Variants in MYOZ2 observed in about 807,000 individuals in gnomAD.
MYOZ2 encodes the protein myozenin-2.
Under a neutral mutation model 25.4 loss-of-function variants are expected in MYOZ2, and 19 were observed. The observed-to-expected ratio is 0.75, with a 90% CI of 0.52 to 1.10. The LOEUF (loss-of-function observed/expected upper bound fraction) is 1.10. MYOZ2 is among the 50% of genes least tolerant of loss of function. The pLI is 0.00. For missense variants in MYOZ2, 270 were observed against 317.9 expected (o/e 0.85, Z 1.15); for synonymous variants, 92 against 106.9 (o/e 0.86, Z 0.86).
chr4:119,150,331 C>T (rs549194927), intron 2 of MYOZ2, among the ~76,000 whole-genome samples: 14 of 151,942 alleles, frequency 9.2e-5, no homozygotes, highest in African/African-American at 3.1e-4. Context: ...GGCATTTGAG[C>T]TGGATTGGGG....
At chr4:119,152,792 A>G (rs1188917047) in intron 3 of MYOZ2, among the ~76,000 whole-genome samples, 5 of 152,198 alleles carry the variant, frequency 3.3e-5, no homozygotes, top group East Asian at 1.9e-4. Flanking sequence ...GTCATATTTT[A>G]TTGAGTTACA....
intron 5 of MYOZ2, among the ~76,000 whole-genome samples, chr4:119,167,727 C>T (rs759429777): frequency 2.0e-5 from 3 of 152,208 alleles, no homozygotes; most frequent in Non-Finnish European, 4.4e-5. Flanking sequence ...AGCCAATGCT[C>T]ATTTACCATT....
intron 3 of MYOZ2, among the ~76,000 whole-genome samples, chr4:119,152,590 T>A (rs1267064949): frequency 6.6e-6 from 1 of 152,136 alleles, no homozygotes; most frequent in African/African-American, 2.4e-5. Context: ...TGATTATAAT[T>A]TTATACACCT....
intron 2 of MYOZ2, among the ~76,000 whole-genome samples, chr4:119,148,563 G>T (rs6857944): frequency 2.6e-4 from 39 of 151,732 alleles, no homozygotes; most frequent in African/African-American, 9.2e-4. Context: ...TCTCTGTGTT[G>T]GTCTTATTGG....
rs549705633 is a variant in MYOZ2 at position 119,152,305 on chromosome 4, C to G, written c.246+1264C>G. The stretch of plus-strand genomic sequence containing the variant: ...AGTATGAGTCAAAAATAATCCCTAC[C>G]CCATCTGCTGGAGTCTATGTAATCA... On this transcript the variant is annotated intron_variant, in intron 3 of 5. Transcript: ENST00000307128. Among the ~76,000 whole-genome samples the G allele has an allele frequency of 2.6e-4, 39 of 152,056 alleles. 1 individual carries two copies. Among genetic ancestry groups the G allele is most frequent in the Middle Eastern group, 3.4e-3 (1 of 294 alleles).
At chr4:119,176,139 G>A (rs1742067771) in intron 5 of MYOZ2, among the ~76,000 whole-genome samples, 1 of 152,096 alleles carries the variant, frequency 6.6e-6, no homozygotes, top group African/African-American at 2.4e-5. Flanking sequence ...TTTCGTGTTT[G>A]ATTCCCTAGC....
At chr4:119,167,787 T>C (rs552815704) in intron 5 of MYOZ2, among the ~76,000 whole-genome samples, 2 of 152,316 alleles carry the variant, frequency 1.3e-5, no homozygotes, top group South Asian at 4.1e-4. Flanking sequence ...TGTCTGTGCT[T>C]TATAAATGGA....
intron 5 of MYOZ2, among the ~76,000 whole-genome samples, chr4:119,179,416 T>A (rs1418398044): frequency 6.6e-6 from 1 of 152,224 alleles, no homozygotes; most frequent in African/African-American, 2.4e-5. Context: ...GTACTCTTTC[T>A]CCTGGACTAA....
chr4:119,163,706 A>C (rs1741756762), intron 4 of MYOZ2, among the ~76,000 whole-genome samples: 1 of 152,206 alleles, frequency 6.6e-6, no homozygotes, highest in African/African-American at 2.4e-5. Flanking sequence ...TTGAAGCTCA[A>C]ACATTTTACA....
At chr4:119,156,134 CA>C (rs1348710639) in intron 3 of MYOZ2, among the ~76,000 whole-genome samples, 1 of 151,598 alleles carries the variant, frequency 6.6e-6, no homozygotes, top group Admixed American at 6.6e-5. Context: ...AGAAGAAAGA[CA>C]AAAAACTTTT....
At chr4:119,154,820 G>C (rs533438874) in intron 3 of MYOZ2, among the ~76,000 whole-genome samples, 9 of 150,986 alleles carry the variant, frequency 6.0e-5, no homozygotes, top group African/African-American at 1.7e-4. Context: ...CAACACTCAA[G>C]ATAGGAGCTG....
rs536681668 is a variant in MYOZ2, at chr4:119,160,962, C to A, written c.376+2811C>A. ...AAATAACTGTATTATTCTTATAACA[C>A]CCTACAGTGTTATAGAAGACTATAA... On this transcript the variant is annotated intron_variant, in intron 4 of 5. Transcript: ENST00000307128. Among the ~76,000 whole-genome samples the A allele has an allele frequency of 1.8e-4, 27 of 151,736 alleles. 1 individual carries two copies. The Middle Eastern group carries it at 0.017, about 96-fold the overall frequency.
chr4:119,141,409 G>A (rs182197322), intron 2 of MYOZ2, among the ~76,000 whole-genome samples: 5 of 152,112 alleles, frequency 3.3e-5, no homozygotes, highest in Non-Finnish European at 7.4e-5. Flanking sequence ...TTGAGATGGA[G>A]TCTTGCTCTG....
intron 2 of MYOZ2, among the ~76,000 whole-genome samples, chr4:119,144,835 A>C (rs1341788791): frequency 6.6e-6 from 1 of 152,198 alleles, no homozygotes; most frequent in Non-Finnish European, 1.5e-5. Context: ...TTCTGTATTT[A>C]TGCTAGACTG....
In MYOZ2 at chr4:119,186,191, A is replaced by C. The variant is rs863223714; in HGVS notation, c.786A>C (p.Glu262Asp). 7.4e-6 allele frequency: 12 copies of C among 1,611,114 alleles called. No homozygotes were observed. The highest frequency in any genetic ancestry group is 1.0e-5 in the Non-Finnish European group (12 of 1,177,456). Residue 262 changes from glutamate (E) to aspartate (D), a missense_variant, in exon 6 of 6, where the codon GAA becomes GAC. Transcript: ENST00000307128. ...PTDDTTVPESEDL is the reference protein window; with the variant it reads ...PTDDTTVPESDDL ...ATGATACCACTGTACCAGAATCAGAAGACCTATGAAAAGAAAGTTGTATGT... is the reference window on the plus strand; with the variant it reads ...ATGATACCACTGTACCAGAATCAGACGACCTATGAAAAGAAAGTTGTATGT...
Position 119,158,168 on chromosome 4 carries a change from C to T in MYOZ2, c.376+17C>T, listed in dbSNP as rs1403148110. 1 of 1,613,600 alleles carries T rather than the reference C, an allele frequency of 6.2e-7. No homozygotes were observed. Among genetic ancestry groups the T allele is most frequent in the Non-Finnish European group, 8.5e-7 (1 of 1,179,692 alleles). On this transcript the variant is annotated intron_variant, in intron 4 of 5. Coordinates refer to ENST00000307128, the MANE Select transcript of MYOZ2 (RefSeq NM_016599.5). ...TTGCTCCAGGTAACCAATCCCCTTACCAACAGAGCAATAAAATTTCTGTGT... is the reference window on the plus strand; with the variant it reads ...TTGCTCCAGGTAACCAATCCCCTTATCAACAGAGCAATAAAATTTCTGTGT...
intron 4 of MYOZ2, among the ~76,000 whole-genome samples, chr4:119,161,864 A>G (rs1741717191): frequency 6.6e-6 from 1 of 152,198 alleles, no homozygotes; most frequent in African/African-American, 2.4e-5. Flanking sequence ...TTATGGGTGA[A>G]GAAAAACTGG....
At chr4:119,164,606 G>C (rs1456440028) in intron 5 of MYOZ2, among the ~76,000 whole-genome samples, 1 of 152,126 alleles carries the variant, frequency 6.6e-6, no homozygotes. Context: ...GTATAAAAAT[G>C]AAGGAAATGA....
chr4:119,137,878 T>C (rs999237799), intron 2 of MYOZ2, among the ~76,000 whole-genome samples: 1 of 152,178 alleles, frequency 6.6e-6, no homozygotes, highest in African/African-American at 2.4e-5. Context: ...TTCTGATCAA[T>C]GTGGCAAAAA....
Sources: allele counts gnomAD v4.1 joint callset (sites outside exome capture counted in the v4.1 genomes callset), GRCh38; gene constraint gnomAD v4.1.1; transcripts MANE v1.5; gene names NCBI Gene and HGNC (gene_info 2026-07-23, HGNC 2026-07-21).